EYS: variants seen among roughly 807,000 people sequenced by gnomAD.
The protein encoded by EYS is protein eyes shut homolog.
A neutral mutation model predicts 282.1 loss-of-function variants in EYS; 250 were observed. The observed-to-expected ratio is 0.89, with a 90% CI of 0.80 to 0.98. EYS has a LOEUF of 0.98. EYS is among the 50% of genes least tolerant of loss of function. The probability of loss-of-function intolerance (pLI) is 0.00; values close to 1 mark genes in which losing one functional copy is unlikely to be tolerated. For synonymous variants in EYS, 1,355 were observed against 1,282.9 expected, an observed-to-expected ratio of 1.06 and a Z score of -1.20; for missense variants, 4,016 against 3,709.0, an observed-to-expected ratio of 1.08 and a Z score of -2.15.
At chr6:65,569,993 G>C (rs1161147310) in intron 2 of EYS, among the ~76,000 whole-genome samples, 1 of 152,110 alleles carries the variant, frequency 6.6e-6, no homozygotes, top group Admixed American at 6.6e-5. Context: ...AAGGACAAGG[G>C]AGTTGGAATG....
intron 7 of EYS, among the ~76,000 whole-genome samples, chr6:65,384,781 T>C (rs945142733): frequency 3.4e-5 from 5 of 148,846 alleles, no homozygotes; most frequent in Non-Finnish European, 7.5e-5. Flanking sequence ...ATACAGTATA[T>C]GTTTTGGAAA....
intron 5 of EYS, among the ~76,000 whole-genome samples, chr6:65,477,859 T>C (rs775166923): frequency 3.9e-4 from 60 of 152,192 alleles, no homozygotes; most frequent in Admixed American, 9.8e-4. Flanking sequence ...CTTTTCGTTC[T>C]ACACATGGCC....
At chr6:65,077,980 G>T (rs1044220633) in intron 12 of EYS, among the ~76,000 whole-genome samples, 4 of 152,090 alleles carry the variant, frequency 2.6e-5, no homozygotes, top group African/African-American at 9.7e-5. Flanking sequence ...ATGAAAAGCT[G>T]TCAGAAAATT....
intron 19 of EYS, among the ~76,000 whole-genome samples, chr6:64,881,914 A>T (rs1583255070): frequency 6.6e-6 from 1 of 151,884 alleles, no homozygotes; most frequent in East Asian, 1.9e-4. Flanking sequence ...CTATAAAATA[A>T]GTTAATTAAA....
intron 19 of EYS, among the ~76,000 whole-genome samples, chr6:64,871,167 T>G (rs899457683): frequency 2.0e-5 from 3 of 151,958 alleles, no homozygotes; most frequent in Non-Finnish European, 4.4e-5. Flanking sequence ...GATTATACAA[T>G]TATATAGACA....
chr6:65,287,584 T>C (rs891005081), intron 12 of EYS, among the ~76,000 whole-genome samples: 1 of 151,344 alleles, frequency 6.6e-6, no homozygotes, highest in Non-Finnish European at 1.5e-5. Flanking sequence ...GTATAGCTTT[T>C]GCATTTTAAT....
chr6:64,462,373 T>C, intron 26 of EYS, among the ~76,000 whole-genome samples: 1 of 152,218 alleles, frequency 6.6e-6, no homozygotes, highest in East Asian at 1.9e-4. Flanking sequence ...GATGTCCTTG[T>C]ACATCTCACT....
chr6:64,224,923 G>C (rs1368139792), intron 31 of EYS, among the ~76,000 whole-genome samples: 1 of 151,982 alleles, frequency 6.6e-6, no homozygotes, highest in East Asian at 1.9e-4. Flanking sequence ...ACAAGCCCAA[G>C]GAAAAATGGC....
rs371275767 is a variant in EYS, at chr6:63,727,562, G to A, written c.8072-882C>T. Among the ~76,000 whole-genome samples, 29 of 149,338 alleles carry A rather than the reference G, an allele frequency of 1.9e-4. No homozygotes were observed. In the East Asian group the frequency reaches 5.3e-3, roughly 27 times the overall value. On this transcript the variant is annotated intron_variant, in intron 41 of 42. Coordinates refer to ENST00000503581, the MANE Select transcript of EYS (RefSeq NM_001142800.2). Reference sequence around the variant, plus strand: ...AAAGCGCTATACCTCATTCCTAGAGGGCCTGATTTATTAAAGCCAGGATGG... The same window carrying A: ...AAAGCGCTATACCTCATTCCTAGAGAGCCTGATTTATTAAAGCCAGGATGG...
chr6:65,111,376 C>T (rs75996926), intron 12 of EYS, among the ~76,000 whole-genome samples: 1,991 of 152,146 alleles, frequency 0.013, 33 homozygotes, highest in African/African-American at 0.045. Context: ...CCAACCCTAG[C>T]CCTAACCCCC....
intron 29 of EYS, among the ~76,000 whole-genome samples, chr6:64,327,871 G>T (rs1400570166): frequency 2.0e-5 from 3 of 152,132 alleles, no homozygotes; most frequent in African/African-American, 7.2e-5. Flanking sequence ...AGATTCAGAA[G>T]AAAGCACCCC....
chr6:64,029,521 C>T (rs527716195), intron 33 of EYS, among the ~76,000 whole-genome samples: 3 of 152,312 alleles, frequency 2.0e-5, no homozygotes, highest in Admixed American at 6.5e-5. Context: ...CAAAAATGCA[C>T]GTGTGTGGCC....
chr6:65,235,996 ATTAT>A (rs1766913264), intron 12 of EYS, among the ~76,000 whole-genome samples: 1 of 152,008 alleles, frequency 6.6e-6, no homozygotes, highest in Admixed American at 6.6e-5. Context: ...TACATGTTAG[ATTAT>A]TTAGGAAAAA....
intron 34 of EYS, among the ~76,000 whole-genome samples, chr6:63,995,975 T>C (rs114195239): frequency 0.012 from 1,776 of 152,126 alleles, 34 homozygotes; most frequent in East Asian, 0.036. Flanking sequence ...AAATGATAAA[T>C]ATTTGAGGTA....
intron 36 of EYS, chr6:63,821,411 C>T (rs1771322585): frequency 6.6e-6 from 1 of 152,150 alleles, no homozygotes; most frequent in Non-Finnish European, 1.5e-5. Flanking sequence ...ATAGCCCTCA[C>T]CCTTTCACCT....
intron 13 of EYS, among the ~76,000 whole-genome samples, chr6:65,051,427 A>T (rs1055583916): frequency 4.0e-5 from 6 of 151,568 alleles, no homozygotes; most frequent in Non-Finnish European, 1.5e-5. Flanking sequence ...CTTTATTTTT[A>T]AATTGACAAA....
intron 36 of EYS, among the ~76,000 whole-genome samples, chr6:63,831,519 C>A (rs1582254419): frequency 6.6e-6 from 1 of 152,276 alleles, no homozygotes; most frequent in East Asian, 1.9e-4. Flanking sequence ...AGCTAACTAT[C>A]CTAAATATAT....
At chr6:65,005,983 G>A (rs1408208344) in intron 13 of EYS, among the ~76,000 whole-genome samples, 1 of 152,152 alleles carries the variant, frequency 6.6e-6, no homozygotes, top group African/African-American at 2.4e-5. Context: ...AGGTACTAAT[G>A]GTTCAGACTT....
rs149226765 is a variant in EYS at position 65,370,042 on chromosome 6, A to G, written c.1299+14344T>C. The stretch of plus-strand genomic sequence containing the variant: ...GATATCTTTCACAGATTAAAATGTA[A>G]TTGGTAAGGTGATAGATGGTCACAG... On this transcript the variant is annotated intron_variant, in intron 8 of 42. Coordinates refer to ENST00000503581, the MANE Select transcript of EYS (RefSeq NM_001142800.2). 5.8e-3 allele frequency among the ~76,000 whole-genome samples: 887 copies of G among 151,714 alleles called. 18 individuals carry two copies. The highest frequency in any genetic ancestry group is 0.02 in the African/African-American group (844 of 41,514).
Sources: allele counts gnomAD v4.1 joint callset (sites outside exome capture counted in the v4.1 genomes callset), GRCh38; gene constraint gnomAD v4.1.1; transcripts MANE v1.5; gene names NCBI Gene and HGNC (gene_info 2026-07-23, HGNC 2026-07-21).